The following NPAS3 variants were observed in gnomAD, a reference collection of about 807,000 sequenced individuals.
NPAS3 encodes neuronal PAS domain protein 3.
A neutral mutation model predicts 73.1 loss-of-function variants in NPAS3; 14 were observed. The observed-to-expected ratio is 0.19, with a 90% CI of 0.13 to 0.30. The LOEUF (loss-of-function observed/expected upper bound fraction) is 0.30. NPAS3 is among the 10% of genes least tolerant of loss of function. The pLI is 1.00. For missense variants in NPAS3, 1,096 were observed against 1,250.0 expected (o/e 0.88, Z 1.86); for synonymous variants, 620 against 541.5 (o/e 1.14, Z -2.01).
chr14:33,253,796 A>T (rs1026533475), intron 3 of NPAS3, among the ~76,000 whole-genome samples: 5 of 151,814 alleles, frequency 3.3e-5, no homozygotes, highest in Admixed American at 3.3e-4. Context: ...GCAGTTCTGT[A>T]CCCCTACTTT....
chr14:33,787,821 C>T (rs1182204448), intron 9 of NPAS3, among the ~76,000 whole-genome samples: 3 of 152,100 alleles, frequency 2.0e-5, no homozygotes, highest in African/African-American at 7.2e-5. Context: ...TTGAAAATGA[C>T]CTTCCTGTAA....
At chr14:33,572,949 G>GCAT (rs2056281010) in intron 5 of NPAS3, among the ~76,000 whole-genome samples, 1 of 148,794 alleles carries the variant, frequency 6.7e-6, no homozygotes, top group East Asian at 2.0e-4. Flanking sequence ...CTTAACCCCG[G>GCAT]GAAGCGGAGG....
chr14:32,952,579 T>C (rs1463199814), intron 1 of NPAS3, among the ~76,000 whole-genome samples: 3 of 152,114 alleles, frequency 2.0e-5, no homozygotes, highest in Non-Finnish European at 4.4e-5. Context: ...TGTCTCATAG[T>C]GACATTGTTT....
At chr14:33,434,889 A>G (rs2048923561) in intron 4 of NPAS3, among the ~76,000 whole-genome samples, 1 of 152,170 alleles carries the variant, frequency 6.6e-6, no homozygotes, top group Admixed American at 6.5e-5. Context: ...TGGGAGGAAA[A>G]TTGTCAATAC....
At chr14:33,756,487 G>C (rs916740390) in intron 7 of NPAS3, among the ~76,000 whole-genome samples, 2 of 152,218 alleles carry the variant, frequency 1.3e-5, no homozygotes, top group East Asian at 3.8e-4. Context: ...ATTGGGAGTG[G>C]CAAGAGATGC....
chr14:33,028,170 G>C (rs1027036936), intron 1 of NPAS3, among the ~76,000 whole-genome samples: 2 of 152,100 alleles, frequency 1.3e-5, no homozygotes, highest in African/African-American at 4.8e-5. Context: ...TGGAACACTT[G>C]GTCTTTGCCT....
At chr14:33,432,602 C>T (rs1375814639) in intron 4 of NPAS3, among the ~76,000 whole-genome samples, 4 of 152,106 alleles carry the variant, frequency 2.6e-5, no homozygotes, top group Non-Finnish European at 4.4e-5. Flanking sequence ...CAAAGGAGCC[C>T]TCTGCTGGAC....
At chr14:33,238,416 G>A (rs1271278957) in intron 3 of NPAS3, among the ~76,000 whole-genome samples, 1 of 151,980 alleles carries the variant, frequency 6.6e-6, no homozygotes, top group Non-Finnish European at 1.5e-5. Flanking sequence ...ACAGACAAAT[G>A]TTGTAAACTC....
chr14:33,711,287 T>C (rs1389096483), intron 6 of NPAS3, among the ~76,000 whole-genome samples: 1 of 152,232 alleles, frequency 6.6e-6, no homozygotes, highest in African/African-American at 2.4e-5. Flanking sequence ...AGTATGCCTC[T>C]TTCAGCACCT....
chr14:33,263,389 T>C (rs1401821366), intron 3 of NPAS3, among the ~76,000 whole-genome samples: 1 of 152,226 alleles, frequency 6.6e-6, no homozygotes, highest in South Asian at 2.1e-4. Flanking sequence ...CCTTTCTCCA[T>C]TGCTTGTTTT....
chr14:33,771,469 G>C (rs934546295), intron 7 of NPAS3, among the ~76,000 whole-genome samples: 20 of 152,098 alleles, frequency 1.3e-4, no homozygotes, highest in African/African-American at 4.8e-4. Flanking sequence ...TGAGCTTCTA[G>C]TTATAAATGA....
chr14:33,336,011 AAT>A (rs1223482917), intron 3 of NPAS3, among the ~76,000 whole-genome samples: 2 of 152,214 alleles, frequency 1.3e-5, no homozygotes, highest in Non-Finnish European at 2.9e-5. Context: ...TTTTAAAGAA[AAT>A]GCAAAACTTT....
chr14:33,566,501 A>G (rs1236017830), intron 5 of NPAS3, among the ~76,000 whole-genome samples: 2 of 151,808 alleles, frequency 1.3e-5, no homozygotes, highest in African/African-American at 4.8e-5. Context: ...TATTTCATCC[A>G]TAATTATGAA....
intron 5 of NPAS3, among the ~76,000 whole-genome samples, chr14:33,674,704 A>T (rs1469614450): frequency 4.6e-5 from 7 of 152,260 alleles, no homozygotes; most frequent in Non-Finnish European, 1.0e-4. Flanking sequence ...TTTAATAGCA[A>T]GAGAAAAATG....
In NPAS3 at chr14:33,022,256, A is replaced by G. The variant is rs559469089; in HGVS notation, c.51-33649A>G. Among the ~76,000 whole-genome samples, 4 of 152,390 alleles carry G rather than the reference A, an allele frequency of 2.6e-5. No individual in the cohort carries two copies. The East Asian group carries it at 5.8e-4, about 22-fold the overall frequency. Reference sequence around the variant, plus strand: ...CAATATGAAATAACTTGAAAAATACATTGGAGCATATGCCTTGATTTTTGA... The same window carrying G: ...CAATATGAAATAACTTGAAAAATACGTTGGAGCATATGCCTTGATTTTTGA... On this transcript the variant is annotated intron_variant, in intron 1 of 11. Transcript: ENST00000356141.
At chr14:33,172,305 A>G (rs531384111) in intron 2 of NPAS3, among the ~76,000 whole-genome samples, 1 of 152,380 alleles carries the variant, frequency 6.6e-6, no homozygotes, top group South Asian at 2.1e-4. Context: ...AGCGAAATGC[A>G]GTAAGACGAA....
intron 4 of NPAS3, among the ~76,000 whole-genome samples, chr14:33,437,740 C>T (rs960646595): frequency 1.3e-5 from 2 of 152,152 alleles, no homozygotes; most frequent in Non-Finnish European, 2.9e-5. Flanking sequence ...ACTGTCAAAT[C>T]GACATTATGG....
At chr14:33,183,976 A>G (rs1353397535) in intron 2 of NPAS3, among the ~76,000 whole-genome samples, 2 of 152,100 alleles carry the variant, frequency 1.3e-5, no homozygotes, top group African/African-American at 4.8e-5. Flanking sequence ...CTCATTTGTA[A>G]TGACTTGTCT....
At chr14:33,365,868 T>G (rs2045818331) in intron 3 of NPAS3, among the ~76,000 whole-genome samples, 1 of 152,192 alleles carries the variant, frequency 6.6e-6, no homozygotes, top group South Asian at 2.1e-4. Flanking sequence ...TGCAACAGAA[T>G]TACCCCAGCA....
Sources: allele counts gnomAD v4.1 joint callset (sites outside exome capture counted in the v4.1 genomes callset), GRCh38; gene constraint gnomAD v4.1.1; transcripts MANE v1.5; gene names NCBI Gene and HGNC (gene_info 2026-07-23, HGNC 2026-07-21).